The following NCOA2 variants were observed in gnomAD, a reference collection of about 807,000 sequenced individuals.
NCOA2 encodes class E basic helix-loop-helix protein 75.
In NCOA2, 21 loss-of-function variants were observed where a neutral mutation model predicts 145.1. That is an observed-to-expected ratio of 0.14 (90% CI 0.10 to 0.21). The LOEUF (loss-of-function observed/expected upper bound fraction) is 0.21. Ranked by LOEUF, NCOA2 falls within the 10% of genes least tolerant of loss-of-function variation. The pLI, the probability that NCOA2 is intolerant of heterozygous loss-of-function variation, is 1.00. For missense variants in NCOA2, 1,472 were observed against 1,837.6 expected (o/e 0.80, Z 3.64); for synonymous variants, 619 against 637.5 (o/e 0.97, Z 0.44).
intron 1 of NCOA2, among the ~76,000 whole-genome samples, chr8:70,303,782 A>G (rs1454095715): frequency 2.0e-5 from 3 of 152,152 alleles, no homozygotes; most frequent in Admixed American, 6.5e-5. Flanking sequence ...AGTCTTTAAC[A>G]GAATTACGGC....
chr8:70,181,273 A>G (rs1169915179), intron 4 of NCOA2, among the ~76,000 whole-genome samples: 1 of 152,198 alleles, frequency 6.6e-6, no homozygotes, highest in Non-Finnish European at 1.5e-5. Context: ...AAATGCTATT[A>G]AATGTCTCCC....
At chr8:70,337,200 A>AGTGT (rs72265721) in intron 1 of NCOA2, among the ~76,000 whole-genome samples, 2,447 of 146,296 alleles carry the variant, frequency 0.017, 39 homozygotes, top group African/African-American at 0.04. Context: ...ACTGCTGAGG[A>AGTGT]GTGTGTGTGT....
chr8:70,424,296 G>A, the NCOA2 span: 1 of 373,530 alleles, frequency 2.7e-6, no homozygotes, highest in Non-Finnish European at 5.1e-6. Context: ...CCAGGACCTG[G>A]CTATAGTTTC....
In NCOA2 at chr8:70,267,420, G is replaced by A. The variant is rs1824702972; in HGVS notation, c.-20+29324C>T. Among the ~76,000 whole-genome samples, 3 of 122,104 alleles carry A rather than the reference G, an allele frequency of 2.5e-5. No homozygotes were observed. The Admixed American group carries it at 2.9e-4, about 12-fold the overall frequency. 80.1% of individuals were successfully genotyped at this position (122,104 alleles called of 152,430 possible). A position where few individuals can be genotyped will look rare whatever the true frequency, so the allele number is the denominator to read the frequency against. The stretch of plus-strand genomic sequence containing the variant: ...TTTTTTTTTTTTTTTTTTCCTTTGA[G>A]ATAGGGCCTCGCTCTGTCACCCAGG... On this transcript the variant is annotated intron_variant, in intron 2 of 22. Transcript: ENST00000452400.
At chr8:70,173,924 G>A (rs978619936) in intron 5 of NCOA2, among the ~76,000 whole-genome samples, 1 of 152,220 alleles carries the variant, frequency 6.6e-6, no homozygotes, top group South Asian at 2.1e-4. Context: ...GCTGCAGCAA[G>A]CTAGCTGATT....
chr8:70,401,207 G>A (rs1250073156), intron 1 of NCOA2, among the ~76,000 whole-genome samples: 3 of 152,122 alleles, frequency 2.0e-5, no homozygotes, highest in Non-Finnish European at 4.4e-5. Context: ...GAGAATCAAA[G>A]ACCTCTGTTC....
chr8:70,293,160 T>A (rs755759376), intron 2 of NCOA2, among the ~76,000 whole-genome samples: 1 of 152,194 alleles, frequency 6.6e-6, no homozygotes, highest in Non-Finnish European at 1.5e-5. Flanking sequence ...GCAAAAGATA[T>A]ATATTTCAGT....
At chr8:70,175,010 T>C (rs1814669911) in intron 4 of NCOA2, among the ~76,000 whole-genome samples, 151 bp from the exon 5 acceptor site, 1 of 152,348 alleles carries the variant, frequency 6.6e-6, no homozygotes, top group Admixed American at 6.5e-5. Flanking sequence ...TGCCCCTAAA[T>C]GGGAGAAACT....
intron 1 of NCOA2, among the ~76,000 whole-genome samples, chr8:70,366,178 T>C (rs1302691008): frequency 6.6e-6 from 1 of 152,096 alleles, no homozygotes; most frequent in African/African-American, 2.4e-5. Context: ...ATTCCAAAGA[T>C]CCCACGAGAG....
At chr8:70,370,534 AT>A (rs1811119048) in intron 1 of NCOA2, among the ~76,000 whole-genome samples, 1 of 152,160 alleles carries the variant, frequency 6.6e-6, no homozygotes, top group Non-Finnish European at 1.5e-5. Flanking sequence ...TAATGCCATC[AT>A]TTAACTATGA....
chr8:70,299,718 C>G (rs1177979190), intron 1 of NCOA2, among the ~76,000 whole-genome samples: 2 of 152,118 alleles, frequency 1.3e-5, no homozygotes, highest in East Asian at 3.9e-4. Flanking sequence ...GTAGAAAATG[C>G]AATAGTACAG....
intron 1 of NCOA2, among the ~76,000 whole-genome samples, chr8:70,311,314 C>T (rs1805100076): frequency 6.6e-6 from 1 of 152,190 alleles, no homozygotes; most frequent in African/African-American, 2.4e-5. Context: ...CTCTAAATGT[C>T]AGTATCGCAC....
intron 4 of NCOA2, among the ~76,000 whole-genome samples, chr8:70,185,869 G>A (rs1003383066): frequency 1.3e-5 from 2 of 152,162 alleles, no homozygotes; most frequent in African/African-American, 4.8e-5. Context: ...AATTTGAGCA[G>A]TTACTACAGG....
At chr8:70,148,038 GGTCA>G (rs1484150417) in intron 12 of NCOA2, among the ~76,000 whole-genome samples, 2 of 152,116 alleles carry the variant, frequency 1.3e-5, no homozygotes, top group Non-Finnish European at 2.9e-5. Flanking sequence ...CATCAATGTA[GGTCA>G]GTCTCCCTGT....
chr8:70,446,565 T>G, the NCOA2 span, among the ~76,000 whole-genome samples: 1 of 152,208 alleles, frequency 6.6e-6, no homozygotes, highest in Non-Finnish European at 1.5e-5. Context: ...TAGTTTGGAA[T>G]GAGGTTTTGT....
At chr8:70,362,887 G>A (rs946553701) in intron 1 of NCOA2, among the ~76,000 whole-genome samples, 45 of 151,400 alleles carry the variant, frequency 3.0e-4, no homozygotes, top group African/African-American at 1.0e-3. Flanking sequence ...AGACCAGCCT[G>A]GGCAACATGG....
the NCOA2 span, among the ~76,000 whole-genome samples, chr8:70,410,413 T>C: frequency 6.6e-6 from 1 of 152,090 alleles, no homozygotes; most frequent in Admixed American, 6.6e-5. Context: ...AAAGATTGTA[T>C]AGAACATTAA....
intron 2 of NCOA2, among the ~76,000 whole-genome samples, chr8:70,217,843 T>C (rs528294409): frequency 6.6e-6 from 1 of 152,262 alleles, no homozygotes; most frequent in East Asian, 1.9e-4. Flanking sequence ...AGCTGAAATC[T>C]GCATTTAAAG....
rs1806782309 is a variant in NCOA2 at position 70,113,848 on chromosome 8, GGAGGAGC to G, written c.4384-212_4384-206del. Among the ~76,000 whole-genome samples, 5 of 152,270 alleles carry G rather than the reference GGAGGAGC, an allele frequency of 3.3e-5. No individual in the cohort carries two copies. In the South Asian group the frequency reaches 1.0e-3, roughly 32 times the overall value. On this transcript the variant is annotated intron_variant, in intron 22 of 22. Transcript: ENST00000452400. ...TCCACACAACGCTTCCAGGAGCCAA[GGAGGAGC>G]CCAGCGAATCCTACATGCTATTTCT...
Sources: allele counts gnomAD v4.1 joint callset (sites outside exome capture counted in the v4.1 genomes callset), GRCh38; gene constraint gnomAD v4.1.1; transcripts MANE v1.5; gene names NCBI Gene and HGNC (gene_info 2026-07-23, HGNC 2026-07-21).